The following CDH13 variants were observed in gnomAD, a reference collection of about 807,000 sequenced individuals.
CDH13 encodes cadherin-13.
CDH13 carries 24 observed loss-of-function variants against 63.8 expected under a neutral mutation model. That is an observed-to-expected ratio of 0.38 (90% CI 0.27 to 0.53). CDH13 has a LOEUF of 0.53. Among genes scored for constraint, CDH13 ranks in the 20% least tolerant of loss-of-function variants. CDH13 has a pLI of 0.85. For synonymous variants in CDH13, 503 were observed against 355.3 expected, an observed-to-expected ratio of 1.42 and a Z score of -4.67; for missense variants, 1,049 against 903.1, an observed-to-expected ratio of 1.16 and a Z score of -2.07.
At position 83,512,252 on chromosome 16, in the gene CDH13, C is replaced by T. The variant is rs1184713254; in HGVS notation, c.960+25597C>T. Among the ~76,000 whole-genome samples the T allele has an allele frequency of 3.3e-5, 5 of 150,804 alleles. No homozygotes were observed. In the East Asian group the frequency reaches 7.8e-4, roughly 24 times the overall value. ...AGGAGAATGGCGTGAACCCGGGAGG[C>T]GAAGCTTGCAGTGAGCGGAGATTGC... On this transcript the variant is annotated intron_variant, in intron 7 of 13. Coordinates refer to ENST00000567109, the MANE Select transcript of CDH13 (RefSeq NM_001257.5).
chr16:83,595,990 C>T (rs553141266), intron 7 of CDH13, among the ~76,000 whole-genome samples: 2 of 152,320 alleles, frequency 1.3e-5, no homozygotes, highest in Admixed American at 6.5e-5. Context: ...TGCTTCTTCC[C>T]GGCAGAGCAG....
intron 4 of CDH13, among the ~76,000 whole-genome samples, chr16:83,171,812 A>T (rs77782789): frequency 0.063 from 9,515 of 152,186 alleles, 532 homozygotes; most frequent in African/African-American, 0.14. Context: ...TTGCAAAGGC[A>T]TGAATACCTC....
chr16:83,058,130 C>G (rs992119144), intron 3 of CDH13, among the ~76,000 whole-genome samples: 15 of 152,094 alleles, frequency 9.9e-5, no homozygotes, highest in African/African-American at 3.6e-4. Context: ...GCTCTAAATA[C>G]AAAGTTAGTT....
intron 11 of CDH13, among the ~76,000 whole-genome samples, chr16:83,761,332 C>T (rs191500710): frequency 6.2e-4 from 95 of 152,330 alleles, no homozygotes; most frequent in African/African-American, 2.1e-3. Flanking sequence ...TTGTAACCAA[C>T]AGAATATTCA....
intron 5 of CDH13, among the ~76,000 whole-genome samples, chr16:83,252,982 A>G (rs1051091417): frequency 6.6e-6 from 1 of 152,118 alleles, no homozygotes; most frequent in African/African-American, 2.4e-5. Context: ...GTGTCTCATC[A>G]TTATACCTAT....
chr16:82,988,763 A>C (rs77563870), intron 2 of CDH13, among the ~76,000 whole-genome samples: 1 of 81,344 alleles, frequency 1.2e-5, no homozygotes. Flanking sequence ...CTCCAACTCA[A>C]AAAAAAAAAA....
At chr16:82,894,221 A>G (rs1325079369) in intron 2 of CDH13, among the ~76,000 whole-genome samples, 1 of 152,076 alleles carries the variant, frequency 6.6e-6, no homozygotes, top group African/African-American at 2.4e-5. Flanking sequence ...TTCCAAAGAG[A>G]TGAGATTACA....
intron 8 of CDH13, among the ~76,000 whole-genome samples, chr16:83,662,692 A>T (rs898921424): frequency 2.6e-5 from 4 of 152,232 alleles, no homozygotes; most frequent in African/African-American, 9.6e-5. Context: ...AAAATACTTG[A>T]GAAAACATCT....
At chr16:83,678,186 G>C (rs377314095) in intron 9 of CDH13, 22 bp from the exon 10 acceptor site, 186 of 1,597,950 alleles carry the variant, frequency 1.2e-4, no homozygotes, top group Non-Finnish European at 1.4e-4. Flanking sequence ...TGCATCCTGA[G>C]ACCCTTCTGT....
chr16:83,340,590 G>A (rs76352109), intron 5 of CDH13, among the ~76,000 whole-genome samples: 33,739 of 152,086 alleles, frequency 0.22, 3,832 homozygotes, highest in East Asian at 0.36. Flanking sequence ...ATGTGCACCC[G>A]AATTCTCTAG....
At chr16:83,492,916 A>G (rs1488522005) in intron 7 of CDH13, among the ~76,000 whole-genome samples, 5 of 152,200 alleles carry the variant, frequency 3.3e-5, no homozygotes, top group African/African-American at 1.2e-4. Context: ...CATTAAAGCT[A>G]AGACCGTGGC....
intron 2 of CDH13, among the ~76,000 whole-genome samples, chr16:82,926,816 A>C (rs1567667766): frequency 1.3e-5 from 2 of 152,234 alleles, no homozygotes; most frequent in African/African-American, 4.8e-5. Flanking sequence ...TCATTGGTCC[A>C]TTAGTGATGA....
intron 8 of CDH13, among the ~76,000 whole-genome samples, chr16:83,663,017 A>T (rs138326514): frequency 2.6e-5 from 4 of 152,170 alleles, no homozygotes; most frequent in Non-Finnish European, 4.4e-5. Context: ...TTGCTTCTCC[A>T]TGCATATTGG....
intron 8 of CDH13, among the ~76,000 whole-genome samples, chr16:83,658,648 C>G (rs1185153557): frequency 6.6e-6 from 1 of 151,468 alleles, no homozygotes; most frequent in African/African-American, 2.4e-5. Context: ...GTCCTCACCA[C>G]CAGGTCCCAT....
intron 1 of CDH13, among the ~76,000 whole-genome samples, chr16:82,848,600 A>G (rs1202084306): frequency 6.6e-6 from 1 of 150,640 alleles, no homozygotes; most frequent in Non-Finnish European, 1.5e-5. Context: ...GGGAGGCACC[A>G]CAAACTGTGC....
At chr16:83,544,430 A>T (rs961117377) in intron 7 of CDH13, among the ~76,000 whole-genome samples, 1 of 152,138 alleles carries the variant, frequency 6.6e-6, no homozygotes, top group East Asian at 1.9e-4. Flanking sequence ...TTAAGTCAAA[A>T]ATGTATTTAA....
intron 1 of CDH13, among the ~76,000 whole-genome samples, chr16:82,787,283 T>C (rs2036063426): frequency 6.6e-6 from 1 of 152,208 alleles, no homozygotes; most frequent in Admixed American, 6.5e-5. Context: ...GCCAATCTAC[T>C]GGTTTGTATT....
chr16:82,774,778 G>T (rs1307003908), intron 1 of CDH13, among the ~76,000 whole-genome samples: 1 of 152,194 alleles, frequency 6.6e-6, no homozygotes, highest in African/African-American at 2.4e-5. Flanking sequence ...CTGTGAGCGG[G>T]TTTAATTCTC....
At chr16:82,747,143 T>C (rs2034211758) in intron 1 of CDH13, among the ~76,000 whole-genome samples, 1 of 152,214 alleles carries the variant, frequency 6.6e-6, no homozygotes, top group Non-Finnish European at 1.5e-5. Flanking sequence ...TGAAATGTTG[T>C]TGTACCATGA....
Sources: gnomAD v4.1 joint callset for allele counts (sites outside exome capture counted in the v4.1 genomes callset) on GRCh38, gnomAD v4.1.1 for gene constraint, MANE v1.5 for transcripts, NCBI Gene and HGNC (gene_info 2026-07-23, HGNC 2026-07-21) for gene names.